The following GMNC variants were observed in gnomAD, a reference collection of about 807,000 sequenced individuals.
GMNC encodes geminin coiled-coil domain containing.
A neutral mutation model predicts 33.6 loss-of-function variants in GMNC; 16 were observed. That is an observed-to-expected ratio of 0.48 (90% CI 0.32 to 0.72). The LOEUF (loss-of-function observed/expected upper bound fraction) is 0.72. Among genes scored for constraint, GMNC ranks in the 30% least tolerant of loss-of-function variants. GMNC has a pLI of 0.03. For missense variants in GMNC, 393 were observed against 388.9 expected (o/e 1.01, Z -0.09); for synonymous variants, 156 against 147.3 (o/e 1.06, Z -0.43).
downstream of GMNC, among the ~76,000 whole-genome samples, chr3:190,847,964 A>G (rs1737577516): frequency 6.6e-6 from 1 of 152,230 alleles, no homozygotes; most frequent in Non-Finnish European, 1.5e-5. Context: ...ATGCATCAAG[A>G]ACAGCTGGTA....
Position 190,854,039 on chromosome 3 carries a change from T to G in GMNC, c.*1256A>C, listed in dbSNP as rs906696925. 5.9e-5 allele frequency: 9 copies of G among 152,126 alleles called. No homozygotes were observed. Among genetic ancestry groups the G allele is most frequent in the African/African-American group, 9.7e-5 (4 of 41,426 alleles). 9.4% of individuals were successfully genotyped at this position (152,126 alleles called of 1,614,324 possible). ...TAATGTTAACTTCAAATGACTTATG[T>G]TTTTGAATTTTATTAATTGTACATA... On this transcript the variant is annotated 3_prime_UTR_variant, in exon 5 of 5. Transcript: ENST00000442080.
At chr3:190,844,990 A>G in the GMNC span, among the ~76,000 whole-genome samples, 3 of 152,292 alleles carry the variant, frequency 2.0e-5, no homozygotes, top group Non-Finnish European at 4.4e-5. Context: ...AGTATAGATT[A>G]TATCTGTAAT....
the GMNC span, among the ~76,000 whole-genome samples, chr3:190,844,607 A>G: frequency 6.6e-6 from 1 of 151,916 alleles, no homozygotes; most frequent in African/African-American, 2.4e-5. Context: ...AGTATTTATC[A>G]ATATTTTGCA....
In GMNC at chr3:190,860,740, A is replaced by T; in HGVS notation, c.122T>A (p.Phe41Tyr). ...VDVSTETWVSFWAAGLLDNRE... is the reference protein window; with the variant it reads ...VDVSTETWVSYWAAGLLDNRE... ...GTTGTCCAGGAGACCAGCAGCCCAG[A>T]AAGAGACCCAAGTCTCCGTGGAAAC... is the stretch of plus-strand genomic sequence containing the variant. The change falls in exon 2 of 5, where the codon TTC becomes TAC. Residue 41 changes from phenylalanine to tyrosine, a missense_variant. Coordinates refer to ENST00000442080, the MANE Select transcript of GMNC (RefSeq NM_001146686.3). 6.4e-7 allele frequency: 1 copy of T among 1,551,592 alleles called. No homozygotes were observed. Among genetic ancestry groups the T allele is most frequent in the Non-Finnish European group, 8.7e-7 (1 of 1,146,996 alleles).
At chr3:190,847,334 C>T in the GMNC span, among the ~76,000 whole-genome samples, 1 of 152,120 alleles carries the variant, frequency 6.6e-6, no homozygotes, top group Non-Finnish European at 1.5e-5. Flanking sequence ...TTCGTGGGGT[C>T]CTTCTAGGGA....
chr3:190,855,494 A>G lies in GMNC; in HGVS notation c.806T>C (p.Leu269Pro). The G allele has an allele frequency of 1.3e-6, 2 of 1,551,908 alleles. No homozygotes were observed. The highest frequency in any genetic ancestry group is 1.2e-5 in the South Asian group (1 of 84,060). ...TTTCAGCCCCACTGGGGGATTTGAA[A>G]GTTGAGAAAGGATGTGGAAATCTTC... ...HGEDFHILSQ[L>P]SNPPVGLKTL... The change falls in exon 5 of 5, where the codon CTT (leucine) becomes CCT (proline). Residue 269 changes from leucine (L) to proline (P), a missense_variant. Physicochemically the swap from Leu to Pro is moderately conservative, Grantham distance 98. Coordinates refer to ENST00000442080, the MANE Select transcript of GMNC (RefSeq NM_001146686.3).
In GMNC at chr3:190,855,264, G is replaced by C. The variant is rs570117265; in HGVS notation, c.*31C>G. ...AGAGAGGTCTTTGTAAACAGAGTTC[G>C]TGGCAGTGCTTTGTGATAAAAGAGG... On this transcript the variant is annotated 3_prime_UTR_variant, in exon 5 of 5. Transcript: ENST00000442080. 7.8e-6 allele frequency: 12 copies of C among 1,543,496 alleles called. No individual in the cohort carries two copies. The highest frequency in any genetic ancestry group is 5.5e-5 in the African/African-American group (4 of 72,782).
rs1737721512 is a variant in GMNC, at chr3:190,855,803, G to A, written c.497C>T (p.Ala166Val). ...AAATTCACTAGAGAGGTTTCTTTTG[G>A]CATTTTTGGGATGGGGAATCTCAGC... ...SPAEIPHPKNAKRNLSSEFAN... is the reference protein window; with the variant it reads ...SPAEIPHPKNVKRNLSSEFAN... Residue 166 changes from alanine (A) to valine (V), a missense_variant, in exon 5 of 5, where the codon GCC becomes GTC. By Grantham distance (64) the Ala-to-Val change is moderately conservative. Coordinates refer to ENST00000442080, the MANE Select transcript of GMNC (RefSeq NM_001146686.3). 1 of 1,551,266 alleles carries A rather than the reference G, an allele frequency of 6.4e-7. No individual in the cohort carries two copies. The highest frequency in any genetic ancestry group is 2.0e-5 in the Admixed American group (1 of 50,952).
At position 190,859,005 on chromosome 3, in the gene GMNC, C is replaced by A; in HGVS notation, c.190G>T (p.Asp64Tyr). The change falls in exon 3 of 5, where the codon GAC (aspartate) becomes TAC (tyrosine). Residue 64 changes from aspartate to tyrosine, a missense_variant. Coordinates refer to ENST00000442080, the MANE Select transcript of GMNC (RefSeq NM_001146686.3). ...AAGTCCGGAAGAGGAAAATTTGAGT[C>A]ACTGAATGATTCTGTGAAAATACAA... ...QAPQAQESFSDSNFPLPDLCS... is the reference protein window; with the variant it reads ...QAPQAQESFSYSNFPLPDLCS... 1 of 1,543,704 alleles carries A rather than the reference C, an allele frequency of 6.5e-7. No homozygotes were observed. The highest frequency in any genetic ancestry group is 8.8e-7 in the Non-Finnish European group (1 of 1,140,034).
downstream of GMNC, among the ~76,000 whole-genome samples, chr3:190,851,049 G>T (rs1577908309): frequency 6.6e-6 from 1 of 152,126 alleles, no homozygotes; most frequent in African/African-American, 2.4e-5. Context: ...TCCATGTAGT[G>T]ACAGGTTACT....
chr3:190,862,640 G>C lies in GMNC; in HGVS notation c.-25C>G, dbSNP rs528469360. ...TCTTGCAGTGGAAGAAAGCGCTGCA[G>C]AAACTGAGCCCACTCAATTTTTCAG... is the stretch of plus-strand genomic sequence containing the variant. On this transcript the variant is annotated 5_prime_UTR_variant, in exon 1 of 5. Coordinates refer to ENST00000442080, the MANE Select transcript of GMNC (RefSeq NM_001146686.3). This position sits in a 1 kb window ranked among gnomAD's most constrained non-coding sequence, Gnocchi z 4.5. The C allele has an allele frequency of 2.6e-6, 4 of 1,552,286 alleles. No individual in the cohort carries two copies. The South Asian group carries it at 4.8e-5, about 18-fold the overall frequency.
chr3:190,857,873 T>C lies in GMNC; in HGVS notation c.294A>G (p.Glu98=). The C allele has an allele frequency of 6.5e-7, 1 of 1,549,568 alleles. No individual in the cohort carries two copies. ...KQLQDTLVQK[E]EELARLHEEN... The stretch of plus-strand genomic sequence containing the variant: ...CTTCGTGTAACCTGGCGAGTTCTTC[T>C]TCCTTCTGCACCAGGGTATCTTGCA... The change falls in exon 4 of 5, where the codon GAA becomes GAG. Residue 98 remains glutamate (E), a synonymous_variant. Coordinates refer to ENST00000442080, the MANE Select transcript of GMNC (RefSeq NM_001146686.3).
rs527948251 is a variant in GMNC at position 190,861,291 on chromosome 3, G to A, written c.4-433C>T. On this transcript the variant is annotated intron_variant, in intron 1 of 4. Transcript: ENST00000442080. This position sits in a 1 kb window ranked among gnomAD's most constrained non-coding sequence, Gnocchi z 5.1. Reference sequence around the variant, plus strand: ...CTAAAACTCCTGAAGGACAAAGAACGCAGAATGCTAAAGCTGAAATGGATG... The same window carrying A: ...CTAAAACTCCTGAAGGACAAAGAACACAGAATGCTAAAGCTGAAATGGATG... Among the ~76,000 whole-genome samples the A allele has an allele frequency of 9.2e-5, 14 of 152,298 alleles. No individual in the cohort carries two copies. Among genetic ancestry groups the A allele is most frequent in the South Asian group, 2.1e-4 (1 of 4,818 alleles).
chr3:190,850,727 G>T (rs1391778778), downstream of GMNC, among the ~76,000 whole-genome samples: 1 of 152,162 alleles, frequency 6.6e-6, no homozygotes, highest in Non-Finnish European at 1.5e-5. Context: ...GCTGAACAAA[G>T]GAGAAAATTC....
At position 190,861,408 on chromosome 3, in the gene GMNC, T is replaced by C. The variant is rs767905751; in HGVS notation, c.4-550A>G. Among the ~76,000 whole-genome samples, 1 of 152,230 alleles carries C rather than the reference T, an allele frequency of 6.6e-6. No individual in the cohort carries two copies. On this transcript the variant is annotated intron_variant, in intron 1 of 4. Coordinates refer to ENST00000442080, the MANE Select transcript of GMNC (RefSeq NM_001146686.3). The surrounding 1 kb of genome is among the most constrained non-coding windows in gnomAD (Gnocchi z 5.1). ...TCCTCCGTCTGACCTAACATACTGC[T>C]GGCTCATAGTCCATCAATCTATCTG...
downstream of GMNC, among the ~76,000 whole-genome samples, chr3:190,850,893 G>A (rs932061635): frequency 2.6e-5 from 4 of 152,008 alleles, no homozygotes; most frequent in Non-Finnish European, 5.9e-5. Context: ...TAATATGTTT[G>A]AAATAACTTA....
At chr3:190,847,132 T>C in the GMNC span, among the ~76,000 whole-genome samples, 1 of 152,194 alleles carries the variant, frequency 6.6e-6, no homozygotes, top group Non-Finnish European at 1.5e-5. Flanking sequence ...TGACTAGCTA[T>C]TGGTGTCCTT....
At chr3:190,855,979 C>A in intron 4 of GMNC, 64 bp from the exon 5 acceptor site, 2 of 1,254,982 alleles carry the variant, frequency 1.6e-6, no homozygotes, top group Non-Finnish European at 2.2e-6. Context: ...TAAATTATTT[C>A]GGAAAAAATG....
Position 190,861,003 on chromosome 3 carries a change from C to A in GMNC, c.4-145G>T, listed in dbSNP as rs1328256517. The A allele has an allele frequency of 5.2e-6, 3 of 573,132 alleles. No homozygotes were observed. The highest frequency in any genetic ancestry group is 6.0e-6 in the Non-Finnish European group (2 of 335,502). The allele number at this position is 573,132 out of a possible 1,614,324, so 35.5% of individuals were successfully genotyped here. The stretch of plus-strand genomic sequence containing the variant: ...ATCAGAAAAGGTGTTAAGTATAGAT[C>A]CATATTAATTTTGGGGTGGTCAAAT... On this transcript the variant is annotated intron_variant, in intron 1 of 4. Transcript: ENST00000442080. The surrounding 1 kb of genome is among the most constrained non-coding windows in gnomAD (Gnocchi z 5.1).
Sources: allele counts gnomAD v4.1 joint callset (sites outside exome capture counted in the v4.1 genomes callset), GRCh38; gene constraint gnomAD v4.1.1; non-coding constraint Gnocchi (gnomAD v3.1); transcripts MANE v1.5; gene names NCBI Gene and HGNC (gene_info 2026-07-23, HGNC 2026-07-21).